The following RAP1GAP2 variants were observed in gnomAD, a reference collection of about 807,000 sequenced individuals.
RAP1GAP2 encodes the protein RAP1 GTPase activating protein 2.
Under a neutral mutation model 95.0 loss-of-function variants are expected in RAP1GAP2, and 27 were observed. That is an observed-to-expected ratio of 0.28 (90% CI 0.21 to 0.39). The LOEUF is 0.39. RAP1GAP2 is among the 10% of genes least tolerant of loss of function. RAP1GAP2 has a pLI of 1.00. For missense variants in RAP1GAP2, 771 were observed against 970.0 expected, an observed-to-expected ratio of 0.79 and a Z score of 2.72; for synonymous variants, 373 against 380.9, an observed-to-expected ratio of 0.98 and a Z score of 0.24.
intron 8 of RAP1GAP2, among the ~76,000 whole-genome samples, chr17:2,972,890 A>G (rs2044932029): frequency 6.6e-6 from 1 of 152,180 alleles, no homozygotes; most frequent in Non-Finnish European, 1.5e-5. Context: ...GTGAGGAATG[A>G]GTTCTTGCTA....
intron 4 of RAP1GAP2, among the ~76,000 whole-genome samples, chr17:2,961,792 T>C (rs2151482942): frequency 6.6e-6 from 1 of 152,182 alleles, no homozygotes; most frequent in Middle Eastern, 3.4e-3. Flanking sequence ...GCCTGTCCCT[T>C]GAAGGCCTGT....
chr17:2,981,975 G>A (rs920867958), intron 10 of RAP1GAP2, among the ~76,000 whole-genome samples: 6 of 152,220 alleles, frequency 3.9e-5, no homozygotes, highest in Non-Finnish European at 2.9e-5. Flanking sequence ...AAGCAGAGCT[G>A]TGCTTCTGAG....
intron 24 of RAP1GAP2, among the ~76,000 whole-genome samples, chr17:3,032,926 C>T (rs976712010): frequency 2.0e-5 from 3 of 152,152 alleles, no homozygotes; most frequent in East Asian, 1.9e-4. Context: ...TGAGGGGGCA[C>T]GTGGTTTGAG....
intron 3 of RAP1GAP2, among the ~76,000 whole-genome samples, chr17:2,915,387 C>T (rs769612950): frequency 6.6e-5 from 10 of 152,002 alleles, no homozygotes; most frequent in East Asian, 1.9e-4. Flanking sequence ...GGTGCCACCA[C>T]GCCTGACTAA....
intron 1 of RAP1GAP2, among the ~76,000 whole-genome samples, chr17:2,787,833 C>T (rs1209065272): frequency 6.6e-6 from 1 of 152,196 alleles, no homozygotes; most frequent in Admixed American, 6.5e-5. Flanking sequence ...TCCCAAAGTA[C>T]TGGGATTACA....
At chr17:2,838,153 C>T (rs760005292) in intron 2 of RAP1GAP2, among the ~76,000 whole-genome samples, 43 of 150,678 alleles carry the variant, frequency 2.9e-4, no homozygotes, top group Non-Finnish European at 1.0e-4. Flanking sequence ...TGAGTAACTG[C>T]GATTACAGGC....
At chr17:3,011,078 C>T (rs530866136) in intron 17 of RAP1GAP2, among the ~76,000 whole-genome samples, 1 of 152,116 alleles carries the variant, frequency 6.6e-6, no homozygotes, top group Non-Finnish European at 1.5e-5. Flanking sequence ...AGGTGCCCGC[C>T]ACCACGCCCG....
Position 2,828,984 on chromosome 17 carries a change from C to CTTTT in RAP1GAP2, c.80+28450_80+28453dup, listed in dbSNP as rs58160165. 1.4e-3 allele frequency among the ~76,000 whole-genome samples: 113 copies of CTTTT among 80,836 alleles called. 15 individuals are homozygous for CTTTT. The highest frequency in any genetic ancestry group is 4.3e-3 in the East Asian group (13 of 3,004). 53.0% of individuals were successfully genotyped at this position (80,836 alleles called of 152,430 possible). A position where few individuals can be genotyped will look rare whatever the true frequency, so the allele number is the denominator to read the frequency against. ...TCCTGTCTCAAAGATTAATTACTTG[C>CTTTT]TTTTTTTTTTTTTTTTTTTGGGAAA... On this transcript the variant is annotated intron_variant, in intron 2 of 24. Transcript: ENST00000254695.
intron 8 of RAP1GAP2, among the ~76,000 whole-genome samples, chr17:2,979,216 C>T (rs8082468): frequency 0.44 from 67,256 of 151,782 alleles, 15,570 homozygotes; most frequent in African/African-American, 0.58. Flanking sequence ...AAATTTAGAC[C>T]CTCATGGTGA....
In RAP1GAP2 at chr17:2,825,982, T is replaced by C. The variant is rs1289175711; in HGVS notation, c.80+25432T>C. ...TTTTTCTTTTTTCTTTCTTTCTTTC[T>C]GTTTTTTTTTTTTTTTGAGACGGAG... On this transcript the variant is annotated intron_variant, in intron 2 of 24. Transcript: ENST00000254695. The surrounding 1 kb of genome is among the most constrained non-coding windows in gnomAD (Gnocchi z 4.1). Among the ~76,000 whole-genome samples the C allele has an allele frequency of 4.9e-5, 5 of 102,696 alleles. No homozygotes were observed. Among genetic ancestry groups the C allele is most frequent in the Admixed American group, 3.6e-4 (4 of 11,096 alleles). 67.4% of individuals were successfully genotyped at this position (102,696 alleles called of 152,430 possible).
rs548165849 is a variant in RAP1GAP2 at position 2,861,670 on chromosome 17, C to T, written c.81-43614C>T. ...TTTTTTGGGGGGGGGGACGGAGTCT[C>T]GCTCTGTCGCCCAGGCTGGAGTGCA... On this transcript the variant is annotated intron_variant, in intron 2 of 24. Transcript: ENST00000254695. Among the ~76,000 whole-genome samples, 17 of 151,492 alleles carry T rather than the reference C, an allele frequency of 1.1e-4. No homozygotes were observed. The South Asian group carries it at 2.3e-3, about 21-fold the overall frequency.
chr17:2,917,064 C>G (rs1214153010), intron 3 of RAP1GAP2, among the ~76,000 whole-genome samples: 1 of 152,220 alleles, frequency 6.6e-6, no homozygotes, highest in East Asian at 1.9e-4. Flanking sequence ...CTTGCCCTCT[C>G]TGTTGATTCT....
intron 2 of RAP1GAP2, among the ~76,000 whole-genome samples, chr17:2,886,393 G>A (rs1311149580): frequency 6.6e-6 from 1 of 151,798 alleles, no homozygotes; most frequent in Non-Finnish European, 1.5e-5. Context: ...GGCTGGTCTC[G>A]AACTTCTGAC....
intron 17 of RAP1GAP2, among the ~76,000 whole-genome samples, chr17:3,014,811 C>T (rs1488230010): frequency 6.6e-6 from 1 of 152,170 alleles, no homozygotes; most frequent in African/African-American, 2.4e-5. Context: ...CGTGCCTCCA[C>T]TTCCCAAAGT....
intron 1 of RAP1GAP2, among the ~76,000 whole-genome samples, chr17:2,760,325 A>G (rs965052927): frequency 3.3e-5 from 5 of 150,946 alleles, no homozygotes; most frequent in Admixed American, 3.3e-4. Context: ...AAAAGAAAAA[A>G]GAAAAATGGT....
At chr17:2,757,564 C>T (rs1192997796) in intron 1 of RAP1GAP2, among the ~76,000 whole-genome samples, 1 of 152,148 alleles carries the variant, frequency 6.6e-6, no homozygotes, top group African/African-American at 2.4e-5. Flanking sequence ...AGTGACATGA[C>T]ATCATGGGAA....
chr17:2,928,280 G>A lies in RAP1GAP2; in HGVS notation c.165+22912G>A, dbSNP rs538346140. On this transcript the variant is annotated intron_variant, in intron 3 of 24. Transcript: ENST00000254695. The stretch of plus-strand genomic sequence containing the variant: ...ATTTCAGCCTGCTGGCTCTCCATGC[G>A]GCCGGTGGGGAAACAGCAAAGCTGG... Among the ~76,000 whole-genome samples, 7 of 152,258 alleles carry A rather than the reference G, an allele frequency of 4.6e-5. No individual in the cohort carries two copies. The East Asian group carries it at 7.7e-4, about 17-fold the overall frequency.
Position 3,020,653 on chromosome 17 carries a change from A to G in RAP1GAP2, c.1751+58A>G, listed in dbSNP as rs190665722. 1.9e-4 allele frequency: 273 copies of G among 1,464,824 alleles called. No homozygotes were observed. In the Middle Eastern group the frequency reaches 4.0e-3, roughly 21 times the overall value. The allele number at this position is 1,464,824 out of a possible 1,614,324, so 90.7% of individuals were successfully genotyped here. On this transcript the variant is annotated intron_variant, in intron 19 of 24. Coordinates refer to ENST00000254695, the MANE Select transcript of RAP1GAP2 (RefSeq NM_015085.5). Reference sequence around the variant, plus strand: ...CTTGCGGGGTCTGTCAACCCCCTCCACTGCTACAGCTGTTCAGTGCCCTAC... The same window carrying G: ...CTTGCGGGGTCTGTCAACCCCCTCCGCTGCTACAGCTGTTCAGTGCCCTAC...
intron 3 of RAP1GAP2, among the ~76,000 whole-genome samples, chr17:2,938,457 GAA>G (rs1567798955): frequency 1.3e-5 from 2 of 152,122 alleles, no homozygotes; most frequent in East Asian, 3.9e-4. Flanking sequence ...ATTAGTGTTG[GAA>G]AAAGACTGTG....
Sources: allele counts gnomAD v4.1 joint callset (sites outside exome capture counted in the v4.1 genomes callset), GRCh38; gene constraint gnomAD v4.1.1; non-coding constraint Gnocchi (gnomAD v3.1); transcripts MANE v1.5; gene names NCBI Gene and HGNC (gene_info 2026-07-23, HGNC 2026-07-21).